The following SEMA3E variants were observed in gnomAD, a reference collection of about 807,000 sequenced individuals.
SEMA3E encodes semaphorin 3E, also known as semaphorin-3E.
In SEMA3E, 49 loss-of-function variants were observed where a neutral mutation model predicts 93.6. The observed-to-expected ratio is 0.52, with a 90% CI of 0.42 to 0.66. SEMA3E has a LOEUF of 0.66. SEMA3E is among the 30% of genes least tolerant of loss of function. The pLI is 0.00. For missense variants in SEMA3E, 906 were observed against 964.8 expected, an observed-to-expected ratio of 0.94 and a Z score of 0.81; for synonymous variants, 363 against 330.7, an observed-to-expected ratio of 1.10 and a Z score of -1.06.
chr7:83,637,226 T>C (rs922628074), intron 1 of SEMA3E, among the ~76,000 whole-genome samples: 6 of 152,140 alleles, frequency 3.9e-5, no homozygotes. Flanking sequence ...TAATTAAAAT[T>C]CATACTTTAT....
At chr7:83,643,174 C>CA (rs1202042924) in intron 1 of SEMA3E, among the ~76,000 whole-genome samples, 1 of 151,868 alleles carries the variant, frequency 6.6e-6, no homozygotes, top group Non-Finnish European at 1.5e-5. Context: ...GATCTCATCC[C>CA]AAAAAGAAAC....
chr7:83,549,410 A>G (rs893432175), intron 1 of SEMA3E, among the ~76,000 whole-genome samples: 7 of 152,158 alleles, frequency 4.6e-5, no homozygotes, highest in African/African-American at 1.4e-4. Flanking sequence ...ATCAAATCCA[A>G]TTATGCTTTT....
intron 1 of SEMA3E, among the ~76,000 whole-genome samples, chr7:83,497,349 A>G (rs1790508458): frequency 6.6e-6 from 1 of 152,114 alleles, no homozygotes; most frequent in African/African-American, 2.4e-5. Context: ...TTGAATGCAC[A>G]TTTCTTGTTC....
At chr7:83,610,267 A>G (rs1022903446) in intron 1 of SEMA3E, among the ~76,000 whole-genome samples, 6 of 152,052 alleles carry the variant, frequency 3.9e-5, no homozygotes, top group African/African-American at 9.7e-5. Flanking sequence ...GATATAATGA[A>G]TATACAGCAC....
chr7:83,460,972 C>A (rs1789604184), intron 4 of SEMA3E, among the ~76,000 whole-genome samples: 1 of 152,020 alleles, frequency 6.6e-6, no homozygotes, highest in Admixed American at 6.5e-5. Flanking sequence ...CCTGTGTTCT[C>A]AAAAACTTAA....
chr7:83,390,185 A>G (rs199618836), intron 14 of SEMA3E, among the ~76,000 whole-genome samples: 124 of 10,226 alleles, frequency 0.012, 36 homozygotes, highest in Non-Finnish European at 0.032. Flanking sequence ...GTGTGCACAT[A>G]TATGCGCGTA....
At chr7:83,392,819 AAATTCACTTAAATTT>A (rs1788044712) in intron 13 of SEMA3E, 98 bp from the exon 14 acceptor site, 1 of 1,127,338 alleles carries the variant, frequency 8.9e-7, no homozygotes, top group South Asian at 1.3e-5. Flanking sequence ...ACCTCAGAAA[AAATTCACTTAAATTT>A]AATTCACTTA....
intron 1 of SEMA3E, among the ~76,000 whole-genome samples, chr7:83,579,190 G>A (rs532587458): frequency 6.6e-6 from 1 of 151,918 alleles, no homozygotes; most frequent in South Asian, 2.1e-4. Flanking sequence ...AATCTATCAG[G>A]GCAGAAAACT....
chr7:83,513,803 A>G (rs1194400791), intron 1 of SEMA3E, among the ~76,000 whole-genome samples: 1 of 152,306 alleles, frequency 6.6e-6, no homozygotes, highest in South Asian at 2.1e-4. Flanking sequence ...ATGCCGTGCT[A>G]TATTGATCGA....
intron 1 of SEMA3E, among the ~76,000 whole-genome samples, chr7:83,550,629 G>T (rs1791746497): frequency 6.6e-6 from 1 of 151,960 alleles, no homozygotes; most frequent in African/African-American, 2.4e-5. Flanking sequence ...GTTTTGTTTT[G>T]TTTATATTAC....
At chr7:83,385,757 A>G (rs867725327) in intron 15 of SEMA3E, among the ~76,000 whole-genome samples, 1 of 152,140 alleles carries the variant, frequency 6.6e-6, no homozygotes, top group Non-Finnish European at 1.5e-5. Context: ...GGGAAGAGAA[A>G]GGGAACACCA....
intron 4 of SEMA3E, among the ~76,000 whole-genome samples, chr7:83,458,381 T>G (rs1290719156): frequency 6.6e-6 from 1 of 151,888 alleles, no homozygotes; most frequent in Non-Finnish European, 1.5e-5. Flanking sequence ...TAGAAGGCAC[T>G]GGAGATCAAT....
chr7:83,503,495 A>G (rs1045905791), intron 1 of SEMA3E, among the ~76,000 whole-genome samples: 2 of 152,150 alleles, frequency 1.3e-5, no homozygotes, highest in African/African-American at 4.8e-5. Flanking sequence ...AATTTCTAGG[A>G]GTTTTCTAGT....
At position 83,367,938 on chromosome 7, in the gene SEMA3E, T is replaced by C; in HGVS notation, c.1976A>G (p.His659Arg). Residue 659 changes from histidine (H) to arginine (R), a missense_variant, in exon 17 of 17, where the codon CAT (histidine) becomes CGT (arginine). Physicochemically the swap from His to Arg is conservative, Grantham distance 29. Coordinates refer to ENST00000643230, the MANE Select transcript of SEMA3E (RefSeq NM_012431.3). Reference protein sequence around the residue: ...AGTYFCQTVEHSFVHTVRKIT... With the variant: ...AGTYFCQTVERSFVHTVRKIT... ...TTTACGGACCGTATGGACAAAGCTA[T>C]GCTCTACTGTCTGGCAAAAATAGGT... 1 of 1,613,264 alleles carries C rather than the reference T, an allele frequency of 6.2e-7. No individual in the cohort carries two copies. Among genetic ancestry groups the C allele is most frequent in the Non-Finnish European group, 8.5e-7 (1 of 1,179,602 alleles).
chr7:83,447,107 A>C (rs1431369138), intron 4 of SEMA3E, among the ~76,000 whole-genome samples: 2 of 152,224 alleles, frequency 1.3e-5, no homozygotes, highest in Non-Finnish European at 2.9e-5. Flanking sequence ...GGATGAGAGA[A>C]CAGCTTGTTA....
At chr7:83,369,410 A>G (rs1285027657) in intron 16 of SEMA3E, among the ~76,000 whole-genome samples, 1 of 152,200 alleles carries the variant, frequency 6.6e-6, no homozygotes, top group East Asian at 1.9e-4. Context: ...TGTGGAACAG[A>G]TGGCAAAATG....
chr7:83,526,970 G>A (rs62477026), intron 1 of SEMA3E, among the ~76,000 whole-genome samples: 2,020 of 149,028 alleles, frequency 0.014, 22 homozygotes, highest in Non-Finnish European at 0.022. Flanking sequence ...AGCTTTGCGA[G>A]TGTGACCTTC....
At chr7:83,628,275 G>A (rs2115661620) in intron 1 of SEMA3E, among the ~76,000 whole-genome samples, 1 of 151,224 alleles carries the variant, frequency 6.6e-6, no homozygotes, top group South Asian at 2.1e-4. Flanking sequence ...ACTTGGGGTT[G>A]CTCTTCTCAA....
chr7:83,561,337 G>A (rs142651980), intron 1 of SEMA3E, among the ~76,000 whole-genome samples: 32 of 152,166 alleles, frequency 2.1e-4, no homozygotes, highest in African/African-American at 7.2e-4. Context: ...CTCCATGTGC[G>A]ATAAAATGTT....
Sources: allele counts gnomAD v4.1 joint callset (sites outside exome capture counted in the v4.1 genomes callset), GRCh38; gene constraint gnomAD v4.1.1; transcripts MANE v1.5; gene names NCBI Gene and HGNC (gene_info 2026-07-23, HGNC 2026-07-21).